BMP4: variants seen among roughly 807,000 people sequenced by gnomAD.
BMP4 encodes bone morphogenetic protein 2B.
A neutral mutation model predicts 29.6 loss-of-function variants in BMP4; 3 were observed. That is an observed-to-expected ratio of 0.10 (90% CI 0.05 to 0.26). The LOEUF (loss-of-function observed/expected upper bound fraction) is 0.26. BMP4 is among the 10% of genes least tolerant of loss of function. BMP4 has a pLI of 1.00. For synonymous variants in BMP4, 197 were observed against 213.2 expected, an observed-to-expected ratio of 0.92 and a Z score of 0.66; for missense variants, 455 against 550.2, an observed-to-expected ratio of 0.83 and a Z score of 1.73.
intron 2 of BMP4, among the ~76,000 whole-genome samples, chr14:53,952,882 G>A (rs1895521237): frequency 1.3e-5 from 2 of 152,216 alleles, no homozygotes; most frequent in African/African-American, 4.8e-5. Flanking sequence ...CATCCCCAGG[G>A]AAGGGGTGAG....
At position 53,955,881 on chromosome 14, in the gene BMP4, T is replaced by C. The variant is rs1011059990; in HGVS notation, c.-133+669A>G. On this transcript the variant is annotated intron_variant, in intron 1 of 3. Coordinates refer to ENST00000245451, the MANE Select transcript of BMP4 (RefSeq NM_001202.6). The surrounding 1 kb of genome is among the most constrained non-coding windows in gnomAD (Gnocchi z 4.0). ...CCCCTGGGATCTTGGCTGTCGTCTC[T>C]AGGGACCCTACACCGTGAAATGATA... 3.3e-5 allele frequency: 5 copies of C among 152,186 alleles called. No individual in the cohort carries two copies. The highest frequency in any genetic ancestry group is 1.3e-4 in the Admixed American group (2 of 15,272). 9.4% of individuals were successfully genotyped at this position (152,186 alleles called of 1,614,324 possible).
chr14:53,956,466 C>A, intron 1 of BMP4, 84 bp downstream of exon 1: 1 of 399,114 alleles, frequency 2.5e-6, no homozygotes, highest in South Asian at 1.3e-4. Flanking sequence ...TTGCCTCGGT[C>A]ACAGCCTGTG....
intron 2 of BMP4, 61 bp from the exon 3 acceptor site, chr14:53,952,290 A>C: frequency 6.4e-7 from 1 of 1,572,686 alleles, no homozygotes; most frequent in Non-Finnish European, 8.7e-7. Context: ...AATAGGGAGA[A>C]ATAGAGATGT....
rs1895604579 is a variant in BMP4, at chr14:53,954,090, C to T, written c.-132-690G>A. On this transcript the variant is annotated intron_variant, in intron 1 of 3. Transcript: ENST00000245451. This position sits in a 1 kb window ranked among gnomAD's most constrained non-coding sequence, Gnocchi z 4.8. ...CACCGATCTAGCTCCCGGCTGAAAG[C>T]AGCCGACCTTGTCACGCGCGGGGCC... 6.6e-6 allele frequency among the ~76,000 whole-genome samples: 1 copy of T among 152,012 alleles called. No homozygotes were observed. Among genetic ancestry groups the T allele is most frequent in the African/African-American group, 2.4e-5 (1 of 41,368 alleles).
At chr14:53,951,797 C>A in intron 3 of BMP4, 56 bp downstream of exon 3, 2 of 1,581,220 alleles carry the variant, frequency 1.3e-6, no homozygotes, top group Non-Finnish European at 1.7e-6. Flanking sequence ...GCTTTCACTG[C>A]CCCTCTAGCC....
In BMP4 at chr14:53,955,153, GT is replaced by G. The variant is rs898386951; in HGVS notation, c.-133+1396del. On this transcript the variant is annotated intron_variant, in intron 1 of 3. Coordinates refer to ENST00000245451, the MANE Select transcript of BMP4 (RefSeq NM_001202.6). This position sits in a 1 kb window ranked among gnomAD's most constrained non-coding sequence, Gnocchi z 4.0. ...GCGAAAGGGTTGGGAAGAGCAAAGG[GT>G]TTTTTTGTTTTGTTTTGAGACGCAG... Among the ~76,000 whole-genome samples, 10 of 152,162 alleles carry G rather than the reference GT, an allele frequency of 6.6e-5. No homozygotes were observed. The highest frequency in any genetic ancestry group is 2.4e-4 in the African/African-American group (10 of 41,458).
intron 1 of BMP4, among the ~76,000 whole-genome samples, chr14:53,953,753 A>G (rs998370054): frequency 4.6e-5 from 7 of 151,970 alleles, no homozygotes; most frequent in Non-Finnish European, 1.0e-4. Flanking sequence ...GCGCCGGGCC[A>G]CCTGAAGCCA....
Position 53,950,035 on chromosome 14 carries a change from G to C in BMP4, c.1224C>G (p.Arg408=), listed in dbSNP as rs765698745. The C allele has an allele frequency of 1.2e-6, 2 of 1,613,822 alleles. No homozygotes were observed. The highest frequency in any genetic ancestry group is 2.2e-5 in the South Asian group (2 of 91,074). The change falls in exon 4 of 4, where the codon CGC becomes CGG. Residue 408 remains arginine (R), a synonymous_variant. Coordinates refer to ENST00000245451, the MANE Select transcript of BMP4 (RefSeq NM_001202.6). The surrounding 1 kb of genome is among the most constrained non-coding windows in gnomAD (Gnocchi z 5.4). ...TATCCTCAAGGACTGCCTGATCTCA[G>C]CGGCACCCACATCCCTCTACTACCA... ...QEMVVEGCGC[R]
rs1895603636 is a variant in BMP4 at position 53,954,070 on chromosome 14, A to T, written c.-132-670T>A. Among the ~76,000 whole-genome samples, 1 of 151,796 alleles carries T rather than the reference A, an allele frequency of 6.6e-6. No individual in the cohort carries two copies. The highest frequency in any genetic ancestry group is 1.5e-5 in the Non-Finnish European group (1 of 67,960). On this transcript the variant is annotated intron_variant, in intron 1 of 3. Coordinates refer to ENST00000245451, the MANE Select transcript of BMP4 (RefSeq NM_001202.6). The surrounding 1 kb of genome is among the most constrained non-coding windows in gnomAD (Gnocchi z 4.8). ...AAGGCTCCGAAGAGCCGGGCCACCG[A>T]TCTAGCTCCCGGCTGAAAGCAGCCG...
Position 53,950,865 on chromosome 14 carries a change from T to C in BMP4, c.394A>G (p.Thr132Ala), listed in dbSNP as rs199935719. ...HEEHLENIPG[T>A]SENSAFRFLF... Reference sequence around the variant, plus strand: ...AAACGAAAAGCAGAGTTTTCACTGGTCCCTGGGATGTTCTCCAGATGTTCT... The same window carrying C: ...AAACGAAAAGCAGAGTTTTCACTGGCCCCTGGGATGTTCTCCAGATGTTCT... The change falls in exon 4 of 4, where the codon ACC (threonine) becomes GCC (alanine). Residue 132 changes from threonine to alanine, a missense_variant. By Grantham distance (58) the Thr-to-Ala change is moderately conservative. This residue lies in a region of BMP4 where 249 missense variants were observed against 284.6 expected (regional missense o/e 0.87). Coordinates refer to ENST00000245451, the MANE Select transcript of BMP4 (RefSeq NM_001202.6). This position sits in a 1 kb window ranked among gnomAD's most constrained non-coding sequence, Gnocchi z 5.4. The C allele has an allele frequency of 1.6e-5, 26 of 1,604,146 alleles. No homozygotes were observed. In the Admixed American group the frequency reaches 4.3e-4, roughly 27 times the overall value.
Position 53,949,963 on chromosome 14 carries a change from T to TGTGTGTGTG in BMP4, c.*60_*68dup. ...GTGTGTGGGTGAGTGGATGGGAACGTGTGTGTGTGGTGTATGTGGTGTGTG... is the reference window on the plus strand; with the variant it reads ...GTGTGTGGGTGAGTGGATGGGAACGTGTGTGTGTGGTGTGTGTGGTGTATGTGGTGTGTG... On this transcript the variant is annotated 3_prime_UTR_variant, in exon 4 of 4. Coordinates refer to ENST00000245451, the MANE Select transcript of BMP4 (RefSeq NM_001202.6). The TGTGTGTGTG allele has an allele frequency of 6.6e-7, 1 of 1,512,974 alleles. No homozygotes were observed. The highest frequency in any genetic ancestry group is 1.2e-5 in the South Asian group (1 of 86,870). 93.7% of individuals were successfully genotyped at this position (1,512,974 alleles called of 1,614,324 possible).
intron 3 of BMP4, chr14:53,951,324 G>C (rs887537339): frequency 4.2e-6 from 1 of 240,462 alleles, no homozygotes; most frequent in Non-Finnish European, 8.1e-6. Context: ...TTCCACTATT[G>C]AGTATGTTAC....
Position 53,954,081 on chromosome 14 carries a change from G to A in BMP4, c.-132-681C>T, listed in dbSNP as rs1033282528. On this transcript the variant is annotated intron_variant, in intron 1 of 3. Coordinates refer to ENST00000245451, the MANE Select transcript of BMP4 (RefSeq NM_001202.6). The surrounding 1 kb of genome is among the most constrained non-coding windows in gnomAD (Gnocchi z 4.8). ...GAGCCGGGCCACCGATCTAGCTCCC[G>A]GCTGAAAGCAGCCGACCTTGTCACG... Among the ~76,000 whole-genome samples the A allele has an allele frequency of 1.3e-5, 2 of 152,176 alleles. No homozygotes were observed. Among genetic ancestry groups the A allele is most frequent in the Non-Finnish European group, 2.9e-5 (2 of 68,036 alleles).
Position 53,950,319 on chromosome 14 carries a change from A to G in BMP4, c.940T>C (p.Tyr314His). 1 of 1,614,218 alleles carries G rather than the reference A, an allele frequency of 6.2e-7. No individual in the cohort carries two copies. The change falls in exon 4 of 4, where the codon TAT becomes CAT. Residue 314 changes from tyrosine to histidine, a missense_variant. Transcript: ENST00000245451. This position sits in a 1 kb window ranked among gnomAD's most constrained non-coding sequence, Gnocchi z 5.4. Reference sequence around the variant, plus strand: ...CAGCCCACATCGCTGAAGTCCACATAGAGCGAGTGGCGCCGGCAGTTCTTA... The same window carrying G: ...CAGCCCACATCGCTGAAGTCCACATGGAGCGAGTGGCGCCGGCAGTTCTTA... ...KNKNCRRHSL[Y>H]VDFSDVGWND...
At position 53,949,927 on chromosome 14, in the gene BMP4, C is replaced by T. The variant is rs1331617274; in HGVS notation, c.*105G>A. On this transcript the variant is annotated 3_prime_UTR_variant, in exon 4 of 4. Transcript: ENST00000245451. ...AAATAAAAGTCCAGCTATAAGGAAGCAGTCTGTGTAGTGTGTGGGTGAGTG... is the reference window on the plus strand; with the variant it reads ...AAATAAAAGTCCAGCTATAAGGAAGTAGTCTGTGTAGTGTGTGGGTGAGTG... 3.6e-6 allele frequency: 4 copies of T among 1,110,552 alleles called. No homozygotes were observed. Among genetic ancestry groups the T allele is most frequent in the Non-Finnish European group, 5.0e-6 (4 of 792,978 alleles). 68.8% of individuals were successfully genotyped at this position (1,110,552 alleles called of 1,614,324 possible). A position where few individuals can be genotyped will look rare whatever the true frequency, so the allele number is the denominator to read the frequency against.
Position 53,950,667 on chromosome 14 carries a change from G to C in BMP4, c.592C>G (p.Arg198Gly), listed in dbSNP as rs387906597. The C allele has an allele frequency of 6.2e-7, 1 of 1,614,244 alleles. No homozygotes were observed. Among genetic ancestry groups the C allele is most frequent in the Admixed American group, 1.7e-5 (1 of 60,026 alleles). The change falls in exon 4 of 4, where the codon CGA (arginine) becomes GGA (glycine). Residue 198 changes from arginine to glycine, a missense_variant. By Grantham distance (125) the Arg-to-Gly change is moderately radical (BLOSUM62 -2). Transcript: ENST00000245451. This position sits in a 1 kb window ranked among gnomAD's most constrained non-coding sequence, Gnocchi z 5.4. Reference sequence around the variant, plus strand: ...TGGACCAGTCTCGTGTCCAGTAGTCGTGTGATGAGGTGCCCAGGCACCACT... The same window carrying C: ...TGGACCAGTCTCGTGTCCAGTAGTCCTGTGATGAGGTGCCCAGGCACCACT... ...AEVVPGHLITRLLDTRLVHHN... is the reference protein window; with the variant it reads ...AEVVPGHLITGLLDTRLVHHN...
intron 3 of BMP4, chr14:53,951,566 C>G (rs556354310): frequency 2.6e-6 from 1 of 387,462 alleles, no homozygotes; most frequent in African/African-American, 2.0e-5. Context: ...TTGAAAAAAA[C>G]GGGCAGAAAA....
chr14:53,951,201 A>C (rs1254217624), intron 3 of BMP4, among the ~76,000 whole-genome samples: 1 of 151,892 alleles, frequency 6.6e-6, no homozygotes, highest in Admixed American at 6.6e-5. Flanking sequence ...CCTCTTTTAA[A>C]CCCCCCACCT....
Position 53,950,209 on chromosome 14 carries a change from G to A in BMP4, c.1050C>T (p.Asn350=), listed in dbSNP as rs1332893471. The A allele has an allele frequency of 1.2e-6, 2 of 1,614,258 alleles. No homozygotes were observed. The highest frequency in any genetic ancestry group is 1.1e-5 in the South Asian group (1 of 91,090). The change falls in exon 4 of 4, where the codon AAC becomes AAT. Residue 350 remains asparagine, a synonymous_variant. Coordinates refer to ENST00000245451, the MANE Select transcript of BMP4 (RefSeq NM_001202.6). The surrounding 1 kb of genome is among the most constrained non-coding windows in gnomAD (Gnocchi z 5.4). The part of the protein sequence containing the change: ...DCPFPLADHL[N]STNHAIVQTL... ...TCTGCACAATGGCATGGTTGGTTGA[G>A]TTGAGGTGGTCAGCCAGTGGAAAGG...
Sources: allele counts gnomAD v4.1 joint callset (sites outside exome capture counted in the v4.1 genomes callset), GRCh38; gene constraint gnomAD v4.1.1; regional missense constraint gnomAD v4.1.1; non-coding constraint Gnocchi (gnomAD v3.1); transcripts MANE v1.5; gene names NCBI Gene and HGNC (gene_info 2026-07-23, HGNC 2026-07-21).